BANK1: variants seen among roughly 807,000 people sequenced by gnomAD.
BANK1 encodes B-cell scaffold protein with ankyrin repeats.
A neutral mutation model predicts 94.5 loss-of-function variants in BANK1; 95 were observed. The observed-to-expected ratio is 1.00, with a 90% CI of 0.85 to 1.19. The LOEUF is 1.19. BANK1 is among the 50% of genes most tolerant of loss of function. The probability of loss-of-function intolerance (pLI) is 0.00; values close to 1 mark genes in which losing one functional copy is unlikely to be tolerated. For missense variants in BANK1, 987 were observed against 932.2 expected (o/e 1.06, Z -0.77); for synonymous variants, 334 against 308.4 (o/e 1.08, Z -0.87).
intron 6 of BANK1, among the ~76,000 whole-genome samples, chr4:101,907,660 C>T (rs1462809307): frequency 1.3e-5 from 2 of 152,180 alleles, no homozygotes; most frequent in African/African-American, 4.8e-5. Flanking sequence ...AAAACCCCAT[C>T]ATCTCAGCCC....
At chr4:101,936,855 G>A (rs768336096) in intron 7 of BANK1, among the ~76,000 whole-genome samples, 8 of 151,568 alleles carry the variant, frequency 5.3e-5, no homozygotes, top group Non-Finnish European at 8.9e-5. Context: ...ATACACTGTT[G>A]GTGGGAATGT....
At chr4:101,875,005 A>G (rs1299595108) in intron 5 of BANK1, among the ~76,000 whole-genome samples, 1 of 152,214 alleles carries the variant, frequency 6.6e-6, no homozygotes, top group Non-Finnish European at 1.5e-5. Flanking sequence ...TTGGCAGAAT[A>G]GAAGGCTCTA....
intron 3 of BANK1, among the ~76,000 whole-genome samples, chr4:101,861,080 A>T (rs931983175): frequency 1.3e-5 from 2 of 152,208 alleles, no homozygotes; most frequent in Non-Finnish European, 2.9e-5. Flanking sequence ...TTTCTGACAC[A>T]TTGCATGTGT....
intron 6 of BANK1, among the ~76,000 whole-genome samples, chr4:101,911,002 G>A (rs1433413420): frequency 6.6e-6 from 1 of 152,182 alleles, no homozygotes; most frequent in Non-Finnish European, 1.5e-5. Context: ...CATGCGTTTT[G>A]CTTACTCTGT....
chr4:101,920,249 A>G (rs1722958596), intron 7 of BANK1, among the ~76,000 whole-genome samples: 1 of 151,960 alleles, frequency 6.6e-6, no homozygotes, highest in African/African-American at 2.4e-5. Context: ...CAGAGATAGC[A>G]TTAGGAGATA....
intron 5 of BANK1, among the ~76,000 whole-genome samples, chr4:101,889,474 T>C (rs1222337105): frequency 6.6e-6 from 1 of 151,382 alleles, no homozygotes; most frequent in Non-Finnish European, 1.5e-5. Context: ...GGCGGGCGCC[T>C]GTAGTCCCAG....
intron 13 of BANK1, among the ~76,000 whole-genome samples, chr4:102,068,401 C>T (rs1329852508): frequency 6.6e-6 from 1 of 151,688 alleles, no homozygotes. Flanking sequence ...TGTTTGAAAA[C>T]ATAAATAAAT....
intron 7 of BANK1, among the ~76,000 whole-genome samples, chr4:101,986,899 G>GTATATATATATATATATATATATA (rs1166018412): frequency 3.6e-5 from 3 of 82,666 alleles, no homozygotes; most frequent in African/African-American, 1.3e-4. Flanking sequence ...GTGTGTGTGT[G>GTATATATATATATATATATATATA]TATATATATA....
At chr4:102,060,509 G>A in intron 12 of BANK1, 120 bp downstream of exon 12, 2 of 1,048,502 alleles carry the variant, frequency 1.9e-6, no homozygotes, top group South Asian at 1.6e-5. Flanking sequence ...TAGCCACTAA[G>A]GAAGATACTT....
At chr4:102,031,894 T>C (rs774520643) in intron 10 of BANK1, among the ~76,000 whole-genome samples, 7 of 152,214 alleles carry the variant, frequency 4.6e-5, no homozygotes, top group Non-Finnish European at 8.8e-5. Flanking sequence ...CAGTATAAAA[T>C]ACACTTATTT....
At chr4:101,823,770 A>T (rs866333386) in intron 1 of BANK1, among the ~76,000 whole-genome samples, 2 of 152,254 alleles carry the variant, frequency 1.3e-5, no homozygotes, top group South Asian at 4.1e-4. Flanking sequence ...AAAGTGGAAA[A>T]TTCTGAATTT....
At chr4:102,007,081 A>ATATATTTATATATATAT (rs1726295811) in intron 7 of BANK1, among the ~76,000 whole-genome samples, 2 of 64,908 alleles carry the variant, frequency 3.1e-5, no homozygotes, top group Non-Finnish European at 4.0e-5. Context: ...TATATATATA[A>ATATATTTATATATATAT]ATATATATAT....
Position 101,871,720 on chromosome 4 carries a change from A to G in BANK1, c.903+1076A>G, listed in dbSNP as rs544800212. ...ACAGACTGTTTCATTTTCTTGTGAC[A>G]AGTCCACCTTATCCTCTACTTAAAA... On this transcript the variant is annotated intron_variant, in intron 5 of 16. Coordinates refer to ENST00000322953, the MANE Select transcript of BANK1 (RefSeq NM_017935.5). Among the ~76,000 whole-genome samples the G allele has an allele frequency of 2.0e-5, 3 of 152,268 alleles. No individual in the cohort carries two copies. In the East Asian group the frequency reaches 5.8e-4, roughly 29 times the overall value.
At chr4:102,020,072 A>C (rs1726840686) in intron 7 of BANK1, among the ~76,000 whole-genome samples, 1 of 152,168 alleles carries the variant, frequency 6.6e-6, no homozygotes, top group Non-Finnish European at 1.5e-5. Context: ...CAGTTTATTA[A>C]TTCACAGTGA....
intron 7 of BANK1, among the ~76,000 whole-genome samples, chr4:102,010,445 T>G (rs1167744968): frequency 4.8e-5 from 7 of 146,180 alleles, no homozygotes; most frequent in Non-Finnish European, 1.0e-4. Context: ...CAGGCTGGAG[T>G]GCAATGGCGC....
At chr4:101,862,080 A>C (rs1163429602) in intron 3 of BANK1, among the ~76,000 whole-genome samples, 2 of 152,104 alleles carry the variant, frequency 1.3e-5, no homozygotes, top group African/African-American at 4.8e-5. Context: ...GAGATCTTAA[A>C]CTTTTTCAAT....
chr4:102,006,299 T>A (rs973672489), intron 7 of BANK1, among the ~76,000 whole-genome samples: 4 of 152,060 alleles, frequency 2.6e-5, no homozygotes, highest in Admixed American at 2.6e-4. Flanking sequence ...CCCTCATGGA[T>A]GCACAGTAGA....
chr4:101,811,142 G>T (rs528342907), intron 1 of BANK1, among the ~76,000 whole-genome samples: 50 of 152,218 alleles, frequency 3.3e-4, no homozygotes, highest in African/African-American at 1.2e-3. Context: ...GAGTCTTTGT[G>T]CTAGCTGCTG....
At chr4:102,007,080 AAATAT>A (rs1726295696) in intron 7 of BANK1, among the ~76,000 whole-genome samples, 1 of 110,062 alleles carries the variant, frequency 9.1e-6, no homozygotes, top group Non-Finnish European at 1.9e-5. Flanking sequence ...ATATATATAT[AAATAT>A]ATATATAATA....
Sources: gnomAD v4.1 joint callset for allele counts (sites outside exome capture counted in the v4.1 genomes callset) on GRCh38, gnomAD v4.1.1 for gene constraint, MANE v1.5 for transcripts, NCBI Gene and HGNC (gene_info 2026-07-23, HGNC 2026-07-21) for gene names.